Variants in ATP7A observed in about 807,000 individuals in gnomAD.
ATP7A encodes ATPase copper transporting alpha.
A neutral mutation model predicts 83.5 loss-of-function variants in ATP7A; 7 were observed. The ratio of observed to expected loss-of-function variants is 0.08; its 90% confidence interval spans 0.05 to 0.16. The LOEUF (loss-of-function observed/expected upper bound fraction) is 0.16, where lower values mean the gene tolerates loss of function less well. Ranked by LOEUF, ATP7A falls within the 10% of genes least tolerant of loss-of-function variation. The probability of loss-of-function intolerance (pLI) is 1.00; values close to 1 mark genes in which losing one functional copy is unlikely to be tolerated. For synonymous variants in ATP7A, 354 were observed against 395.2 expected (o/e 0.90, Z 1.24); for missense variants, 940 against 1,120.8 (o/e 0.84, Z 2.30).
chrX:78,023,142 G>A (rs1349765742), intron 14 of ATP7A, among the ~76,000 whole-genome samples: 1 of 112,302 alleles, frequency 8.9e-6, no homozygotes, highest in Non-Finnish European at 1.9e-5. Flanking sequence ...TGGCTGCATA[G>A]TATTCCATGG....
chrX:77,957,390 T>C (rs1463952333), intron 1 of ATP7A, among the ~76,000 whole-genome samples: 1 of 109,098 alleles, frequency 9.2e-6, no homozygotes, highest in African/African-American at 3.3e-5. Context: ...TGGGAGAAAA[T>C]ATTTACAAAC....
intron 1 of ATP7A, 44 bp from the exon 2 acceptor site, chrX:77,971,577 A>G: frequency 8.5e-7 from 1 of 1,176,507 alleles, no homozygotes; most frequent in Non-Finnish European, 1.2e-6. Flanking sequence ...TTGAGGAAAG[A>G]TTATTTGCAT....
intron 7 of ATP7A, among the ~76,000 whole-genome samples, chrX:78,010,238 G>C (rs1012659864): frequency 8.9e-6 from 1 of 111,933 alleles, no homozygotes; most frequent in Admixed American, 9.5e-5. Flanking sequence ...AGGAAACCCA[G>C]GTTAAGAGAA....
At chrX:77,946,832 G>GA (rs782205383) in intron 1 of ATP7A, among the ~76,000 whole-genome samples, 5 of 110,122 alleles carry the variant, frequency 4.5e-5, no homozygotes, top group Non-Finnish European at 7.6e-5. Flanking sequence ...AGTCATGGTG[G>GA]AAAACAGTAT....
intron 14 of ATP7A, among the ~76,000 whole-genome samples, chrX:78,025,383 G>A (rs1557236222): frequency 8.9e-6 from 1 of 112,038 alleles, no homozygotes; most frequent in Non-Finnish European, 1.9e-5. Context: ...CTCTAGCAAC[G>A]GATCCTAAGC....
intron 12 of ATP7A, among the ~76,000 whole-genome samples, chrX:78,016,774 A>G (rs782659604): frequency 2.7e-5 from 3 of 112,719 alleles, no homozygotes; most frequent in Non-Finnish European, 5.6e-5. Flanking sequence ...TGCTGATGCA[A>G]GAAGTGGGCT....
At chrX:77,938,836 C>T (rs1481977680) in intron 1 of ATP7A, among the ~76,000 whole-genome samples, 3 of 111,586 alleles carry the variant, frequency 2.7e-5, no homozygotes, top group Non-Finnish European at 5.6e-5. Context: ...TGTGTCTGTC[C>T]ATGTCTCCTT....
intron 7 of ATP7A, 132 bp downstream of exon 7, chrX:78,009,395 G>A (rs2077801684): frequency 6.4e-6 from 5 of 785,076 alleles, no homozygotes; most frequent in Non-Finnish European, 7.7e-6. Flanking sequence ...AACAAGATCT[G>A]TCTCAAAATT....
intron 1 of ATP7A, chrX:77,924,723 G>C (rs782544683): frequency 9.0e-6 from 1 of 111,522 alleles, no homozygotes; most frequent in African/African-American, 3.3e-5. Flanking sequence ...ACAGAGTCTT[G>C]CTCTGTCGCC....
intron 1 of ATP7A, among the ~76,000 whole-genome samples, chrX:77,927,169 T>C (rs1171325771): frequency 8.9e-6 from 1 of 112,217 alleles, no homozygotes; most frequent in African/African-American, 3.2e-5. Context: ...GCTAACTAAA[T>C]GAAGAAAGTA....
At chrX:77,948,684 C>T (rs1272887846) in intron 1 of ATP7A, among the ~76,000 whole-genome samples, 1 of 110,998 alleles carries the variant, frequency 9.0e-6, no homozygotes, top group Non-Finnish European at 1.9e-5. Flanking sequence ...ATGGGAAGAA[C>T]AAAGTGGACG....
At chrX:77,998,709 T>C (rs782434730) in intron 5 of ATP7A, 25 bp downstream of exon 5, 5 of 1,184,466 alleles carry the variant, frequency 4.2e-6, no homozygotes, top group Non-Finnish European at 5.7e-6. Flanking sequence ...AAGCTTGTTA[T>C]TTTATGTGCT....
At chrX:77,943,545 CTTAA>C (rs1351834634) in intron 1 of ATP7A, among the ~76,000 whole-genome samples, 1 of 111,459 alleles carries the variant, frequency 9.0e-6, no homozygotes, top group African/African-American at 3.3e-5. Context: ...TCAGCATTTT[CTTAA>C]TTATTTTCCT....
chrX:77,977,001 G>C (rs2077580220), intron 2 of ATP7A, among the ~76,000 whole-genome samples: 1 of 111,568 alleles, frequency 9.0e-6, no homozygotes, highest in Non-Finnish European at 1.9e-5. Flanking sequence ...TTTGGGGAAA[G>C]AGCCAAGTTG....
chrX:78,013,258 T>A, intron 10 of ATP7A, 146 bp downstream of exon 10: 1 of 553,030 alleles, frequency 1.8e-6, no homozygotes, highest in Non-Finnish European at 3.0e-6. Context: ...TATTTTAAGT[T>A]AAATATCAGT....
chrX:77,944,799 C>T (rs1557226004), intron 1 of ATP7A, among the ~76,000 whole-genome samples: 1 of 109,180 alleles, frequency 9.2e-6, no homozygotes, highest in Non-Finnish European at 1.9e-5. Context: ...TGTCATTCCT[C>T]AGTATGGTAT....
rs61085687 is a variant in ATP7A at position 78,017,497 on chromosome X, T to C, written c.2626+1616T>C. On this transcript the variant is annotated intron_variant, in intron 12 of 22. Transcript: ENST00000341514. ...CCCGCTTGAATTTCTCCCCAGAAAA[T>C]GGGTTTTTCTTTTCTATTGCATTGT... 6.1e-3 allele frequency among the ~76,000 whole-genome samples: 679 copies of C among 112,156 alleles called. 3 individuals are homozygous for C. The highest frequency in any genetic ancestry group is 9.8e-3 in the Admixed American group (104 of 10,577).
intron 12 of ATP7A, 39 bp from the exon 13 acceptor site, chrX:78,020,205 C>A: frequency 8.5e-7 from 1 of 1,179,357 alleles, no homozygotes; most frequent in African/African-American, 1.7e-5. Context: ...TGATAGTGAT[C>A]ATTTATGCTC....
intron 17 of ATP7A, among the ~76,000 whole-genome samples, chrX:78,036,969 A>G (rs958080096): frequency 2.7e-5 from 3 of 111,796 alleles, no homozygotes; most frequent in African/African-American, 9.8e-5. Flanking sequence ...TGGGTTGGAT[A>G]TATATGGCGT....
Sources: gnomAD v4.1 joint callset for allele counts (sites outside exome capture counted in the v4.1 genomes callset) on GRCh38, gnomAD v4.1.1 for gene constraint, MANE v1.5 for transcripts, NCBI Gene and HGNC (gene_info 2026-07-23, HGNC 2026-07-21) for gene names.